DGCR2: variants seen among roughly 807,000 people sequenced by gnomAD.
DGCR2 encodes integral membrane protein DGCR2/IDD.
In DGCR2, 24 loss-of-function variants were observed where a neutral mutation model predicts 51.6. That is an observed-to-expected ratio of 0.47 (90% CI 0.34 to 0.65). The LOEUF (loss-of-function observed/expected upper bound fraction) is 0.65, where lower values mean the gene tolerates loss of function less well. DGCR2 is among the 30% of genes least tolerant of loss of function. DGCR2 has a pLI of 0.01. For missense variants in DGCR2, 765 were observed against 772.1 expected, an observed-to-expected ratio of 0.99 and a Z score of 0.11; for synonymous variants, 340 against 315.4, an observed-to-expected ratio of 1.08 and a Z score of -0.82.
intron 3 of DGCR2, 63 bp from the exon 4 acceptor site, chr22:19,065,130 G>A (rs2082734112): frequency 3.5e-6 from 5 of 1,420,816 alleles, no homozygotes; most frequent in African/African-American, 1.4e-5. Flanking sequence ...GAAATTATAT[G>A]TACTCCATCA....
At chr22:19,104,819 A>C (rs1447776475) in intron 1 of DGCR2, among the ~76,000 whole-genome samples, 9 of 152,256 alleles carry the variant, frequency 5.9e-5, no homozygotes, top group African/African-American at 1.9e-4. Flanking sequence ...GCTTTCCCAC[A>C]GGTCATTTCA....
At chr22:19,071,180 G>T (rs911705115) in intron 2 of DGCR2, among the ~76,000 whole-genome samples, 4 of 152,184 alleles carry the variant, frequency 2.6e-5, no homozygotes, top group African/African-American at 4.8e-5. Flanking sequence ...TCCGACTCTG[G>T]GCTCCATGAC....
At chr22:19,087,534 C>T (rs1345594653) in intron 2 of DGCR2, among the ~76,000 whole-genome samples, 4 of 152,132 alleles carry the variant, frequency 2.6e-5, no homozygotes, top group African/African-American at 7.2e-5. Flanking sequence ...CTCGCCACCA[C>T]GCCCAGCTAA....
intron 3 of DGCR2, among the ~76,000 whole-genome samples, chr22:19,066,150 AG>A (rs1333560780): frequency 6.6e-6 from 1 of 152,340 alleles, no homozygotes; most frequent in Admixed American, 6.5e-5. Context: ...CTGTAATTCC[AG>A]CACTTTGGGA....
At chr22:19,107,182 ATC>A (rs2083268776) in intron 1 of DGCR2, among the ~76,000 whole-genome samples, 1 of 152,152 alleles carries the variant, frequency 6.6e-6, no homozygotes, top group African/African-American at 2.4e-5. Flanking sequence ...GGCAAGTGGA[ATC>A]TCTGAGTGAA....
chr22:19,087,542 T>C (rs2083031038), intron 2 of DGCR2, among the ~76,000 whole-genome samples: 1 of 152,182 alleles, frequency 6.6e-6, no homozygotes, highest in Non-Finnish European at 1.5e-5. Flanking sequence ...CACGCCCAGC[T>C]AATTTTTGTA....
chr22:19,111,031 A>G (rs1041362157), intron 1 of DGCR2, among the ~76,000 whole-genome samples: 1 of 152,168 alleles, frequency 6.6e-6, no homozygotes, highest in African/African-American at 2.4e-5. Context: ...TCCTTTTAAA[A>G]TACCTTTTCC....
Position 19,048,532 on chromosome 22 carries a change from A to G in DGCR2, c.914T>C (p.Met305Thr), listed in dbSNP as rs1348437461. The change falls in exon 7 of 10, where the codon ATG (methionine) becomes ACG (threonine). Residue 305 changes from methionine to threonine, a missense_variant. Met to Thr is a moderately conservative substitution (Grantham distance 81). Around this residue, in one of 3 missense-constraint regions of DGCR2, gnomAD observed 190 missense variants for 265.2 expected, o/e 0.72. Transcript: ENST00000263196. ...CCTCTCACAGAGAGCAGCCACACAC[A>G]TCTCAGGCTCCCCTCCATGGCAGGT... is the stretch of plus-strand genomic sequence containing the variant. Reference protein sequence around the residue: ...SCTCHGGEPEMCVAALCERPQ... With the variant: ...SCTCHGGEPETCVAALCERPQ... The G allele has an allele frequency of 6.2e-7, 1 of 1,614,164 alleles. No individual in the cohort carries two copies. Among genetic ancestry groups the G allele is most frequent in the Admixed American group, 1.7e-5 (1 of 60,028 alleles).
intron 1 of DGCR2, among the ~76,000 whole-genome samples, chr22:19,111,394 A>G (rs2083312834): frequency 6.6e-6 from 1 of 152,200 alleles, no homozygotes; most frequent in Non-Finnish European, 1.5e-5. Flanking sequence ...CCTCTGCCAT[A>G]CAGCTCTTTC....
chr22:19,045,409 G>A (rs1401744256), intron 7 of DGCR2: 3 of 152,184 alleles, frequency 2.0e-5, no homozygotes, highest in East Asian at 1.9e-4. Context: ...ACGTAGTGTG[G>A]GACTATTTCT....
At chr22:19,068,324 G>T (rs143812601) in intron 2 of DGCR2, 99 bp from the exon 3 acceptor site, 123 of 1,355,738 alleles carry the variant, frequency 9.1e-5, no homozygotes, top group Middle Eastern at 3.8e-4. Context: ...AAGGCCGGAG[G>T]GGGGGCCTGT....
intron 4 of DGCR2, 103 bp from the exon 5 acceptor site, chr22:19,063,381 AC>A: frequency 9.2e-7 from 1 of 1,081,450 alleles, no homozygotes; most frequent in Non-Finnish European, 1.4e-6. Context: ...TCGCTCTGTC[AC>A]CAGGATGGAG....
intron 1 of DGCR2, 57 bp from the exon 2 acceptor site, chr22:19,089,547 T>A (rs1160214856): frequency 3.2e-5 from 46 of 1,451,568 alleles, no homozygotes; most frequent in Non-Finnish European, 4.0e-5. Flanking sequence ...CAGCAAACCA[T>A]AGCCCATGGG....
chr22:19,068,808 G>A (rs1051081301), intron 2 of DGCR2, among the ~76,000 whole-genome samples: 1 of 152,260 alleles, frequency 6.6e-6, no homozygotes, highest in Non-Finnish European at 1.5e-5. Flanking sequence ...CTGGTGTGCA[G>A]CAGGTCTCAG....
chr22:19,092,754 T>C (rs909072635), intron 1 of DGCR2, among the ~76,000 whole-genome samples: 3 of 152,194 alleles, frequency 2.0e-5, no homozygotes, highest in African/African-American at 7.2e-5. Context: ...TAACAAAAGA[T>C]GTGAAGTCCT....
intron 2 of DGCR2, among the ~76,000 whole-genome samples, chr22:19,073,334 C>T (rs1456672890): frequency 1.3e-5 from 2 of 151,910 alleles, no homozygotes; most frequent in Non-Finnish European, 2.9e-5. Context: ...GTTATAGAAA[C>T]CTACTAAAAG....
At chr22:19,049,939 G>A (rs975077162) in intron 6 of DGCR2, among the ~76,000 whole-genome samples, 36 of 151,438 alleles carry the variant, frequency 2.4e-4, no homozygotes, top group Non-Finnish European at 5.9e-5. Flanking sequence ...AGAGAAAAAA[G>A]AATGAACAGA....
intron 1 of DGCR2, among the ~76,000 whole-genome samples, chr22:19,101,102 C>T (rs1242666771): frequency 6.6e-6 from 1 of 151,948 alleles, no homozygotes; most frequent in East Asian, 1.9e-4. Flanking sequence ...CACAGCGAAA[C>T]CCTGTCTCAA....
intron 2 of DGCR2, among the ~76,000 whole-genome samples, chr22:19,085,584 T>C (rs768889653): frequency 7.2e-5 from 11 of 152,164 alleles, no homozygotes; most frequent in Non-Finnish European, 1.5e-4. Context: ...CATTCCAGCC[T>C]CTGAAACCCA....
Sources: allele counts gnomAD v4.1 joint callset (sites outside exome capture counted in the v4.1 genomes callset), GRCh38; gene constraint gnomAD v4.1.1; regional missense constraint gnomAD v4.1.1; transcripts MANE v1.5; gene names NCBI Gene and HGNC (gene_info 2026-07-23, HGNC 2026-07-21).